RPH3AL: variants seen among roughly 807,000 people sequenced by gnomAD.
RPH3AL encodes rabphilin 3A like (without C2 domains), also known as rab effector Noc2.
In RPH3AL, 38 loss-of-function variants were observed where a neutral mutation model predicts 43.1. The ratio of observed to expected loss-of-function variants is 0.88; its 90% CI spans 0.68 to 1.15. RPH3AL has a LOEUF of 1.15. Among genes scored for constraint, RPH3AL ranks in the 50% most tolerant of loss-of-function variants. RPH3AL has a pLI of 0.00. For synonymous variants in RPH3AL, 189 were observed against 176.3 expected (o/e 1.07, Z -0.57); for missense variants, 462 against 423.2 (o/e 1.09, Z -0.81).
chr17:223,212 C>T (rs1297922586), intron 7 of RPH3AL, among the ~76,000 whole-genome samples: 1 of 139,442 alleles, frequency 7.2e-6, no homozygotes, highest in Non-Finnish European at 1.6e-5. Context: ...AAAAAAAAGA[C>T]TTTCCAAAGT....
intron 1 of RPH3AL, among the ~76,000 whole-genome samples, chr17:350,813 G>A (rs1421530309): frequency 6.6e-6 from 1 of 152,194 alleles, no homozygotes; most frequent in Non-Finnish European, 1.5e-5. Context: ...GGCCTGGGCT[G>A]TCAGCCAAGG....
intron 2 of RPH3AL, chr17:331,933 G>T: frequency 8.2e-6 from 10 of 1,224,196 alleles, no homozygotes; most frequent in Non-Finnish European, 1.1e-5. Context: ...TATAGAAGGT[G>T]AGTGGAAAAG....
At chr17:275,313 T>C (rs968746976) in intron 6 of RPH3AL, among the ~76,000 whole-genome samples, 1 of 151,944 alleles carries the variant, frequency 6.6e-6, no homozygotes, top group Non-Finnish European at 1.5e-5. Flanking sequence ...ACGTATTTTT[T>C]ACAATGGGAT....
At chr17:222,270 C>T (rs1196091901) in intron 7 of RPH3AL, among the ~76,000 whole-genome samples, 2 of 152,252 alleles carry the variant, frequency 1.3e-5, no homozygotes. Context: ...GGGGCACGTG[C>T]CCAAGTTGTA....
rs1019225062 is a variant in RPH3AL at position 333,539 on chromosome 17, A to G, written c.-37+220T>C. 1 of 307,406 alleles carries G rather than the reference A, an allele frequency of 3.3e-6. No homozygotes were observed. The highest frequency in any genetic ancestry group is 2.2e-5 in the African/African-American group (1 of 46,378). 19.0% of individuals were successfully genotyped at this position (307,406 alleles called of 1,614,324 possible). A position where few individuals can be genotyped will look rare whatever the true frequency, so the allele number is the denominator to read the frequency against. ...CACCTTGTGCTTTCCCACAGTATTA[A>G]AGTTCTTTAAAAATATGATTTTAAA... On this transcript the variant is annotated intron_variant, in intron 2 of 9. Coordinates refer to ENST00000331302, the MANE Select transcript of RPH3AL (RefSeq NM_006987.4). This position sits in a 1 kb window ranked among gnomAD's most constrained non-coding sequence, Gnocchi z 4.5.
chr17:252,535 G>T (rs1159548205), intron 6 of RPH3AL, among the ~76,000 whole-genome samples: 1 of 152,050 alleles, frequency 6.6e-6, no homozygotes, highest in East Asian at 1.9e-4. Flanking sequence ...CAGTCGTTCC[G>T]AACTCATAAC....
chr17:292,342 A>T (rs543978412), intron 5 of RPH3AL, among the ~76,000 whole-genome samples: 54 of 152,328 alleles, frequency 3.5e-4, no homozygotes, highest in Non-Finnish European at 5.9e-4. Flanking sequence ...CCTGCTGCCA[A>T]ATGACTTTAA....
intron 1 of RPH3AL, among the ~76,000 whole-genome samples, chr17:343,622 T>A (rs1217439432): frequency 6.6e-6 from 1 of 152,198 alleles, no homozygotes. Context: ...CCTGGGGCTA[T>A]TGGGAAGAAT....
intron 5 of RPH3AL, among the ~76,000 whole-genome samples, chr17:312,622 G>T (rs1487682545): frequency 6.6e-6 from 1 of 152,224 alleles, no homozygotes; most frequent in Non-Finnish European, 1.5e-5. Context: ...GGACCCTGAA[G>T]AGGTTTCATA....
intron 5 of RPH3AL, among the ~76,000 whole-genome samples, chr17:315,015 C>T (rs1194844985): frequency 4.8e-5 from 7 of 147,092 alleles, no homozygotes; most frequent in African/African-American, 1.8e-4. Context: ...TCTCTGTGCT[C>T]CACCTCCATT....
intron 6 of RPH3AL, among the ~76,000 whole-genome samples, chr17:273,065 G>C (rs2042542610): frequency 3.4e-5 from 5 of 146,696 alleles, no homozygotes; most frequent in African/African-American, 1.2e-4. Context: ...ACCCCAGCGA[G>C]GGCGACGTCA....
chr17:348,218 G>A (rs892193552), intron 1 of RPH3AL, among the ~76,000 whole-genome samples: 5 of 152,052 alleles, frequency 3.3e-5, no homozygotes, highest in Non-Finnish European at 5.9e-5. Flanking sequence ...ACAGTAAAAA[G>A]ACCAGGGATT....
Position 215,822 on chromosome 17 carries a change from G to A in RPH3AL, c.728-20C>T. 1 of 1,298,718 alleles carries A rather than the reference G, an allele frequency of 7.7e-7. No individual in the cohort carries two copies. Among genetic ancestry groups the A allele is most frequent in the Non-Finnish European group, 9.8e-7 (1 of 1,020,008 alleles). The allele number at this position is 1,298,718 out of a possible 1,614,324, so 80.4% of individuals were successfully genotyped here. A position where few individuals can be genotyped will look rare whatever the true frequency, so the allele number is the denominator to read the frequency against. ...TGCCACCTGTGGGAAATCACGTGTGGGCCCCGTGGATCTCAAACCGAGACG... is the reference window on the plus strand; with the variant it reads ...TGCCACCTGTGGGAAATCACGTGTGAGCCCCGTGGATCTCAAACCGAGACG... On this transcript the variant is annotated intron_variant, in intron 8 of 9. Coordinates refer to ENST00000331302, the MANE Select transcript of RPH3AL (RefSeq NM_006987.4). This position sits in a 1 kb window ranked among gnomAD's most constrained non-coding sequence, Gnocchi z 4.1.
In RPH3AL at chr17:321,355, G is replaced by A. The variant is rs779542230; in HGVS notation, c.138C>T (p.His46=). ...TGGCCTCCACCTCCGCCGGGCTGAG[G>A]TGCTGCTTCCTCCTCTGCTTCTCCG... is the stretch of plus-strand genomic sequence containing the variant. ...YQTEKQRRKQ[H]LSPAEVEAIL... The change falls in exon 4 of 10, where the codon CAC becomes CAT. Residue 46 remains histidine, a synonymous_variant. Transcript: ENST00000331302. 1.9e-6 allele frequency: 3 copies of A among 1,611,688 alleles called. No individual in the cohort carries two copies. The highest frequency in any genetic ancestry group is 1.1e-5 in the South Asian group (1 of 91,068).
chr17:258,131 C>T (rs913470733), intron 6 of RPH3AL, among the ~76,000 whole-genome samples: 1 of 152,208 alleles, frequency 6.6e-6, no homozygotes, highest in African/African-American at 2.4e-5. Context: ...GGATGGATCA[C>T]GTTTTGTCGT....
chr17:243,622 C>G (rs1398630139), intron 7 of RPH3AL, among the ~76,000 whole-genome samples: 2 of 138,968 alleles, frequency 1.4e-5, no homozygotes, highest in African/African-American at 2.7e-5. Context: ...TTACCTTCCT[C>G]TATTGATTAC....
intron 6 of RPH3AL, among the ~76,000 whole-genome samples, chr17:262,532 A>G (rs932117203): frequency 1.4e-4 from 22 of 152,008 alleles, no homozygotes; most frequent in Admixed American, 3.9e-4. Flanking sequence ...AATTTTTACA[A>G]TGTAAATCCC....
rs2044831478 is a variant in RPH3AL, at chr17:333,024, G to A, written c.-37+735C>T. 7.8e-7 allele frequency: 1 copy of A among 1,289,094 alleles called. No homozygotes were observed. Among genetic ancestry groups the A allele is most frequent in the Non-Finnish European group, 1.0e-6 (1 of 988,644 alleles). 79.9% of individuals were successfully genotyped at this position (1,289,094 alleles called of 1,614,324 possible). A position where few individuals can be genotyped will look rare whatever the true frequency, so the allele number is the denominator to read the frequency against. ...TCATCAGCCCCAGGCAACTTCCTGA[G>A]ACAGATCGGTAAAAACAACCCCTTC... On this transcript the variant is annotated intron_variant, in intron 2 of 9. Coordinates refer to ENST00000331302, the MANE Select transcript of RPH3AL (RefSeq NM_006987.4). This position sits in a 1 kb window ranked among gnomAD's most constrained non-coding sequence, Gnocchi z 4.5.
At chr17:318,382 T>TGG (rs966894145) in intron 5 of RPH3AL, among the ~76,000 whole-genome samples, 5 of 151,928 alleles carry the variant, frequency 3.3e-5, no homozygotes, top group Admixed American at 2.0e-4. Flanking sequence ...ACTCCGTCTC[T>TGG]GGGGGTGGAA....
Sources: gnomAD v4.1 joint callset for allele counts (sites outside exome capture counted in the v4.1 genomes callset) on GRCh38, gnomAD v4.1.1 for gene constraint, Gnocchi (gnomAD v3.1) non-coding constraint, MANE v1.5 for transcripts, NCBI Gene and HGNC (gene_info 2026-07-23, HGNC 2026-07-21) for gene names.